The following DSG1 variants were observed in gnomAD, a reference collection of about 807,000 sequenced individuals.
DSG1 encodes desmoglein-1.
Under a neutral mutation model 97.5 loss-of-function variants are expected in DSG1, and 39 were observed. That is an observed-to-expected ratio of 0.40 (90% confidence interval 0.31 to 0.52). The LOEUF is 0.52. Ranked by LOEUF, DSG1 falls within the 20% of genes least tolerant of loss-of-function variation. The pLI, the probability that DSG1 is intolerant of heterozygous loss-of-function variation, is 0.53. For missense variants in DSG1, 1,311 were observed against 1,295.4 expected (o/e 1.01, Z -0.18); for synonymous variants, 475 against 443.4 (o/e 1.07, Z -0.90).
rs72927192 is a variant in DSG1 at position 31,340,118 on chromosome 18, C to T, written c.1687+93C>T. The T allele has an allele frequency of 0.093, 123,154 of 1,324,754 alleles. 6,987 individuals carry two copies. The highest frequency in any genetic ancestry group is 0.2 in the South Asian group (15,272 of 77,152). 82.1% of individuals were successfully genotyped at this position (1,324,754 alleles called of 1,614,324 possible). A position where few individuals can be genotyped will look rare whatever the true frequency, so the allele number is the denominator to read the frequency against. ...TGATTCTTTGATAAAACGTATTTTA[C>T]AAATTCTCATTTTGTGCAATTATAA... On this transcript the variant is annotated intron_variant, in intron 11 of 14. Transcript: ENST00000257192.
intron 4 of DSG1, among the ~76,000 whole-genome samples, chr18:31,328,801 G>T (rs1197943432): frequency 6.6e-6 from 1 of 151,692 alleles, no homozygotes; most frequent in Non-Finnish European, 1.5e-5. Flanking sequence ...GCTACTGCAG[G>T]ACTGTTTTCT....
intron 14 of DSG1, 73 bp downstream of exon 14, chr18:31,346,271 C>A: frequency 1.6e-6 from 2 of 1,278,642 alleles, no homozygotes; most frequent in East Asian, 2.3e-5. Flanking sequence ...TCACTAATTC[C>A]TAAAGGGGCT....
chr18:31,326,553 A>G (rs1343246355), intron 1 of DSG1, 28 bp from the exon 2 acceptor site: 2 of 1,535,802 alleles, frequency 1.3e-6, no homozygotes, highest in South Asian at 1.1e-5. Context: ...TTAAAAAATA[A>G]CTAGTGTGAT....
At chr18:31,334,485 A>G (rs545083622) in intron 8 of DSG1, among the ~76,000 whole-genome samples, 2 of 152,288 alleles carry the variant, frequency 1.3e-5, no homozygotes, top group African/African-American at 4.8e-5. Flanking sequence ...TTTTATGCTT[A>G]CAACAAAGTA....
intron 1 of DSG1, among the ~76,000 whole-genome samples, chr18:31,321,963 C>T (rs369090203): frequency 3.9e-5 from 6 of 152,220 alleles, no homozygotes; most frequent in African/African-American, 1.4e-4. Context: ...AGGGAACACC[C>T]TTGCCCAGTG....
At chr18:31,321,033 G>C (rs2071650224) in intron 1 of DSG1, among the ~76,000 whole-genome samples, 1 of 151,962 alleles carries the variant, frequency 6.6e-6, no homozygotes, top group Admixed American at 6.6e-5. Flanking sequence ...TGAATGATCT[G>C]ATTATTTTGG....
chr18:31,326,044 A>G (rs1272386194), intron 1 of DSG1, among the ~76,000 whole-genome samples: 2 of 152,086 alleles, frequency 1.3e-5, no homozygotes, highest in Admixed American at 1.3e-4. Context: ...TGTAATTCTC[A>G]TAATAAAAAC....
Position 31,356,518 on chromosome 18 carries a change from C to A in DSG1, c.*1172C>A, listed in dbSNP as rs576148940. 1.3e-5 allele frequency: 2 copies of A among 152,218 alleles called. No homozygotes were observed. Among genetic ancestry groups the A allele is most frequent in the South Asian group, 4.1e-4 (2 of 4,820 alleles). 9.4% of individuals were successfully genotyped at this position (152,218 alleles called of 1,614,324 possible). ...AAAAGAATTCTTCTGTAAAGTAATACCATGCTAATTATTCGCTTTTAGTAA... is the reference window on the plus strand; with the variant it reads ...AAAAGAATTCTTCTGTAAAGTAATAACATGCTAATTATTCGCTTTTAGTAA... On this transcript the variant is annotated 3_prime_UTR_variant, in exon 15 of 15. Coordinates refer to ENST00000257192, the MANE Select transcript of DSG1 (RefSeq NM_001942.4).
intron 1 of DSG1, among the ~76,000 whole-genome samples, chr18:31,322,406 T>C (rs1365285639): frequency 6.6e-6 from 1 of 152,224 alleles, no homozygotes; most frequent in Admixed American, 6.5e-5. Context: ...ATTTTAATGG[T>C]GTAGTATTAA....
rs1332843191 is a variant in DSG1 at position 31,358,191 on chromosome 18, A to G, written c.*2845A>G. 6.6e-6 allele frequency among the ~76,000 whole-genome samples: 1 copy of G among 152,056 alleles called. No homozygotes were observed. The highest frequency in any genetic ancestry group is 6.5e-5 in the Admixed American group (1 of 15,274). ...AAACAAACCACAATGTTTATAAAAT[A>G]TCTATCTGACTGTCTAAAGAGGTAA... On this transcript the variant is annotated 3_prime_UTR_variant, in exon 15 of 15. Coordinates refer to ENST00000257192, the MANE Select transcript of DSG1 (RefSeq NM_001942.4).
rs569678303 is a variant in DSG1 at position 31,353,578 on chromosome 18, G to T, written c.2101-719G>T. On this transcript the variant is annotated intron_variant, in intron 14 of 14. Transcript: ENST00000257192. ...GCGCCCCTCCCCCAGCCTCACTGCC[G>T]CTTTGCAGTTTGATCTCAGACTGCT... Among the ~76,000 whole-genome samples the T allele has an allele frequency of 2.4e-3, 363 of 152,212 alleles. 1 individual carries two copies. The highest frequency in any genetic ancestry group is 7.6e-3 in the African/African-American group (316 of 41,506).
rs759041510 is a variant in DSG1 at position 31,331,801 on chromosome 18, A to G, written c.618A>G (p.Ser206=). 6.2e-7 allele frequency: 1 copy of G among 1,612,876 alleles called. No individual in the cohort carries two copies. Among genetic ancestry groups the G allele is most frequent in the Admixed American group, 1.7e-5 (1 of 59,980 alleles). The change falls in exon 6 of 15, where the codon TCA becomes TCG. Residue 206 remains serine (S), a synonymous_variant. Coordinates refer to ENST00000257192, the MANE Select transcript of DSG1 (RefSeq NM_001942.4). The part of the protein sequence containing the change: ...FKIIRQEPSD[S]PMFIINRNTG... ...TTATAAGACAAGAACCTTCAGATTC[A>G]CCAATGTTTATTATCAACAGAAATA...
rs527241376 is a variant in DSG1, at chr18:31,341,087, A to G, written c.1687+1062A>G. 2.1e-3 allele frequency among the ~76,000 whole-genome samples: 316 copies of G among 152,254 alleles called. 3 individuals are homozygous for G. Among genetic ancestry groups the G allele is most frequent in the African/African-American group, 7.3e-3 (304 of 41,538 alleles). On this transcript the variant is annotated intron_variant, in intron 11 of 14. Coordinates refer to ENST00000257192, the MANE Select transcript of DSG1 (RefSeq NM_001942.4). ...TAGCTATAAAGGTAGAATCCAGTGG[A>G]CTCTCCAGGTGGCTGTTAACATTAC...
At chr18:31,331,235 G>T (rs560022258) in intron 5 of DSG1, among the ~76,000 whole-genome samples, 144 of 152,138 alleles carry the variant, frequency 9.5e-4, no homozygotes, top group African/African-American at 3.4e-3. Context: ...ACTTTATATA[G>T]TTTTCTCTTA....
At chr18:31,332,003 A>C in intron 6 of DSG1, 136 bp downstream of exon 6, 1 of 781,892 alleles carries the variant, frequency 1.3e-6, no homozygotes, top group Non-Finnish European at 2.0e-6. Context: ...TAATTCTTTC[A>C]TGTAAGAAAT....
chr18:31,346,170 T>G lies in DSG1; in HGVS notation c.2072T>G (p.Met691Arg). 3 of 1,613,872 alleles carry G rather than the reference T, an allele frequency of 1.9e-6. No homozygotes were observed. The highest frequency in any genetic ancestry group is 2.5e-6 in the Non-Finnish European group (3 of 1,179,784). ...MRECREGGLN[M>R]NFMESYFCQK... ...GAATGTAGAGAAGGAGGTCTGAATATGAATTTCATGGAAAGCTACTTCTGT... is the reference window on the plus strand; with the variant it reads ...GAATGTAGAGAAGGAGGTCTGAATAGGAATTTCATGGAAAGCTACTTCTGT... The change falls in exon 14 of 15, where the codon ATG (methionine) becomes AGG (arginine). Residue 691 changes from methionine to arginine, a missense_variant. By Grantham distance (91) the Met-to-Arg change is moderately conservative (BLOSUM62 -1). Coordinates refer to ENST00000257192, the MANE Select transcript of DSG1 (RefSeq NM_001942.4).
intron 5 of DSG1, among the ~76,000 whole-genome samples, 200 bp from the exon 6 acceptor site, chr18:31,331,501 T>C (rs1218779496): frequency 1.3e-5 from 2 of 152,102 alleles, no homozygotes; most frequent in East Asian, 3.9e-4. Flanking sequence ...TCTAGATTCC[T>C]AGTAAAATGT....
chr18:31,333,491 T>C (rs1474889998), intron 6 of DSG1, 98 bp from the exon 7 acceptor site: 36 of 1,445,560 alleles, frequency 2.5e-5, no homozygotes, highest in Non-Finnish European at 3.1e-5. Flanking sequence ...ATCATAGATT[T>C]ATGTAAACGT....
chr18:31,346,073 G>A lies in DSG1; in HGVS notation c.1975G>A (p.Gly659Arg), dbSNP rs267605154. 2.5e-6 allele frequency: 4 copies of A among 1,613,782 alleles called. No individual in the cohort carries two copies. The highest frequency in any genetic ancestry group is 3.4e-6 in the Non-Finnish European group (4 of 1,179,806). ...ERMTGFELTE[G>R]VKTSGMPEIC... ...AATGACAGGATTTGAACTAACAGAG[G>A]GAGTTAAAACTTCAGGAATGCCTGA... The change falls in exon 14 of 15, where the codon GGA (glycine) becomes AGA (arginine). Residue 659 changes from glycine (G) to arginine (R), a missense_variant. Gly to Arg is a moderately radical substitution (Grantham distance 125, BLOSUM62 -2). This residue lies in a region of DSG1 where 1,038 missense variants were observed against 964.6 expected (regional missense o/e 1.08). Coordinates refer to ENST00000257192, the MANE Select transcript of DSG1 (RefSeq NM_001942.4).
Sources: gnomAD v4.1 joint callset for allele counts (sites outside exome capture counted in the v4.1 genomes callset) on GRCh38, gnomAD v4.1.1 for gene constraint, gnomAD v4.1.1 regional missense constraint, MANE v1.5 for transcripts, NCBI Gene and HGNC (gene_info 2026-07-23, HGNC 2026-07-21) for gene names.